ZNF626: variants seen among roughly 807,000 people sequenced by gnomAD.
ZNF626 encodes the protein zinc finger protein 626.
ZNF626 carries 4 observed loss-of-function variants against 11.7 expected under a neutral mutation model. The ratio of observed to expected loss-of-function variants is 0.34; its 90% CI spans 0.17 to 0.78. The LOEUF (loss-of-function observed/expected upper bound fraction) is 0.78. Among genes scored for constraint, ZNF626 ranks in the 30% least tolerant of loss-of-function variants. The pLI is 0.57. For synonymous variants in ZNF626, 179 were observed against 198.6 expected (o/e 0.90, Z 0.83); for missense variants, 588 against 587.1 (o/e 1.00, Z -0.01).
At chr19:20,640,726 T>A (rs1970015720) in intron 3 of ZNF626, among the ~76,000 whole-genome samples, 1 of 151,864 alleles carries the variant, frequency 6.6e-6, no homozygotes, top group African/African-American at 2.4e-5. Flanking sequence ...TAAATTTTTT[T>A]AAAAACACCA....
intron 3 of ZNF626, among the ~76,000 whole-genome samples, chr19:20,630,508 G>T (rs1969890811): frequency 6.6e-6 from 1 of 152,170 alleles, no homozygotes. Context: ...TTAGTCTTGG[G>T]AGGATGTATG....
intron 3 of ZNF626, among the ~76,000 whole-genome samples, chr19:20,634,689 T>TA (rs1969947973): frequency 6.6e-6 from 1 of 152,214 alleles, no homozygotes; most frequent in African/African-American, 2.4e-5. Context: ...AAGATGTCTA[T>TA]ACTGTTCAAT....
intron 1 of ZNF626, among the ~76,000 whole-genome samples, chr19:20,656,431 T>C (rs1970206246): frequency 6.6e-6 from 1 of 151,758 alleles, no homozygotes; most frequent in Non-Finnish European, 1.5e-5. Context: ...AAGCAAAAAC[T>C]GACAAATTGG....
rs1350648164 is a variant in ZNF626 at position 20,622,036 on chromosome 19, A to C, written c.*2254T>G. On this transcript the variant is annotated 3_prime_UTR_variant, in exon 4 of 4. Coordinates refer to ENST00000601440, the MANE Select transcript of ZNF626 (RefSeq NM_001076675.3). ...ACCCCATGTCTATTAAAAATATAAA[A>C]ATTAGCCAGGCGTGGTGTCACGCAC... is the stretch of plus-strand genomic sequence containing the variant. 2 of 152,176 alleles carry C rather than the reference A, an allele frequency of 1.3e-5. No individual in the cohort carries two copies. The highest frequency in any genetic ancestry group is 2.9e-5 in the Non-Finnish European group (2 of 68,036). 9.4% of individuals were successfully genotyped at this position (152,176 alleles called of 1,614,324 possible).
intron 1 of ZNF626, among the ~76,000 whole-genome samples, chr19:20,648,377 C>G (rs11665974): frequency 3.6e-5 from 2 of 54,806 alleles, no homozygotes; most frequent in South Asian, 5.5e-4. Flanking sequence ...TCTTCTTCTT[C>G]TTCTTTTTTT....
Position 20,657,449 on chromosome 19 carries a change from T to TA in ZNF626, c.3+3994dup, listed in dbSNP as rs1230426112. ...ACATCATGGAATACTCTGTGGCCAT[T>TA]AAAAAAAAATGACCATGTCCTTTGC... On this transcript the variant is annotated intron_variant, in intron 1 of 3. Coordinates refer to ENST00000601440, the MANE Select transcript of ZNF626 (RefSeq NM_001076675.3). Among the ~76,000 whole-genome samples the TA allele has an allele frequency of 1.0e-4, 15 of 150,344 alleles. No individual in the cohort carries two copies. The East Asian group carries it at 1.6e-3, about 16-fold the overall frequency.
At chr19:20,635,268 A>C (rs1182816302) in intron 3 of ZNF626, among the ~76,000 whole-genome samples, 1 of 152,224 alleles carries the variant, frequency 6.6e-6, no homozygotes, top group Admixed American at 6.5e-5. Context: ...TTAGCTTTGC[A>C]AGATAAAAAC....
At chr19:20,641,706 C>T (rs9917099) in intron 3 of ZNF626, among the ~76,000 whole-genome samples, 67,747 of 151,600 alleles carry the variant, frequency 0.45, 16,410 homozygotes, top group African/African-American at 0.63. Context: ...CTGCACACCA[C>T]GATGCCTGAC....
intron 3 of ZNF626, among the ~76,000 whole-genome samples, chr19:20,627,750 G>A (rs1969855903): frequency 1.3e-5 from 2 of 152,108 alleles, no homozygotes; most frequent in Admixed American, 1.3e-4. Flanking sequence ...TGGCAAGACA[G>A]AAGTAGAATT....
At chr19:20,647,632 A>G (rs367973307) in intron 1 of ZNF626, among the ~76,000 whole-genome samples, 22 of 151,592 alleles carry the variant, frequency 1.5e-4, no homozygotes, top group East Asian at 9.8e-4. Context: ...GACTACAGGC[A>G]CCCGCCACCA....
intron 1 of ZNF626, among the ~76,000 whole-genome samples, chr19:20,653,524 G>C (rs910542954): frequency 5.9e-5 from 9 of 151,784 alleles, no homozygotes; most frequent in African/African-American, 1.9e-4. Context: ...TATAACAGGT[G>C]GTAGTTTAGC....
chr19:20,648,257 A>T (rs1437835059), intron 1 of ZNF626, among the ~76,000 whole-genome samples: 3 of 152,052 alleles, frequency 2.0e-5, no homozygotes, highest in Non-Finnish European at 4.4e-5. Context: ...TTTAGTAGTA[A>T]TTTTAAGTAG....
At chr19:20,656,170 T>C (rs1373504004) in intron 1 of ZNF626, among the ~76,000 whole-genome samples, 1 of 152,112 alleles carries the variant, frequency 6.6e-6, no homozygotes, top group Non-Finnish European at 1.5e-5. Flanking sequence ...TTGACAAAGC[T>C]GACAAGAGGA....
At chr19:20,649,600 G>A (rs1466935520) in intron 1 of ZNF626, among the ~76,000 whole-genome samples, 4 of 152,186 alleles carry the variant, frequency 2.6e-5, no homozygotes, top group African/African-American at 9.7e-5. Context: ...ATAAACAGAA[G>A]CTGTGCGGAG....
intron 3 of ZNF626, among the ~76,000 whole-genome samples, chr19:20,640,163 A>AAT (rs1970007361): frequency 1.3e-5 from 2 of 150,922 alleles, no homozygotes; most frequent in Non-Finnish European, 1.5e-5. Flanking sequence ...ATGTTACAAA[A>AAT]ATATATTTTT....
chr19:20,635,344 T>C (rs1055239881), intron 3 of ZNF626, among the ~76,000 whole-genome samples: 3 of 152,196 alleles, frequency 2.0e-5, no homozygotes. Context: ...TTTAGAAATA[T>C]ATACTTGTCA....
At chr19:20,646,469 A>C (rs1970080107) in intron 1 of ZNF626, 64 bp from the exon 2 acceptor site, 1 of 1,611,144 alleles carries the variant, frequency 6.2e-7, no homozygotes, top group Admixed American at 1.7e-5. Flanking sequence ...AATTTGACTT[A>C]AGGTGAAATA....
chr19:20,645,632 T>A (rs1970068023), intron 3 of ZNF626, 52 bp downstream of exon 3: 1 of 1,584,812 alleles, frequency 6.3e-7, no homozygotes, highest in Non-Finnish European at 8.6e-7. Flanking sequence ...CTCTTTGACC[T>A]TGGGACCCCT....
intron 1 of ZNF626, among the ~76,000 whole-genome samples, chr19:20,649,969 G>A (rs1487014036): frequency 6.6e-6 from 1 of 152,182 alleles, no homozygotes; most frequent in Non-Finnish European, 1.5e-5. Flanking sequence ...TCCTTTGCTG[G>A]TTCTTTAAAG....
Sources: allele counts gnomAD v4.1 joint callset (sites outside exome capture counted in the v4.1 genomes callset), GRCh38; gene constraint gnomAD v4.1.1; transcripts MANE v1.5; gene names NCBI Gene and HGNC (gene_info 2026-07-23, HGNC 2026-07-21).